Variants in RALGAPA1 observed in about 807,000 individuals in gnomAD.
RALGAPA1 encodes Ral GTPase activating protein catalytic subunit alpha 1.
Under a neutral mutation model 269.6 loss-of-function variants are expected in RALGAPA1, and 52 were observed. The ratio of observed to expected loss-of-function variants is 0.19; its 90% CI spans 0.15 to 0.24. The LOEUF (loss-of-function observed/expected upper bound fraction) is 0.24, where lower values mean the gene tolerates loss of function less well. RALGAPA1 is among the 10% of genes least tolerant of loss of function. The pLI, the probability that RALGAPA1 is intolerant of heterozygous loss-of-function variation, is 1.00. For synonymous variants in RALGAPA1, 817 were observed against 1,008.3 expected (o/e 0.81, Z 3.60); for missense variants, 1,917 against 3,013.9 (o/e 0.64, Z 8.52).
At chr14:35,542,379 A>G (rs1244952903) in intron 41 of RALGAPA1, 1 of 159,356 alleles carries the variant, frequency 6.3e-6, no homozygotes, top group Non-Finnish European at 1.4e-5. Flanking sequence ...ATTGCTCTAC[A>G]TTATGGCAAA....
chr14:35,648,100 T>C (rs10141404), intron 31 of RALGAPA1, among the ~76,000 whole-genome samples: 90,908 of 149,344 alleles, frequency 0.61, 28,881 homozygotes, highest in African/African-American at 0.83. Context: ...TACGGTGAAA[T>C]CCCATCTCTA....
chr14:35,677,360 A>G (rs1016196603), intron 22 of RALGAPA1: 1 of 153,262 alleles, frequency 6.5e-6, no homozygotes, highest in African/African-American at 2.4e-5. Context: ...ATAAATGTGC[A>G]TATTTGTCTG....
At chr14:35,779,204 G>C (rs1257109382) in intron 1 of RALGAPA1, among the ~76,000 whole-genome samples, 2 of 152,128 alleles carry the variant, frequency 1.3e-5, no homozygotes, top group Non-Finnish European at 2.9e-5. Context: ...TTCCCACAGA[G>C]TAGTTTAAAG....
At chr14:35,728,763 T>C (rs1211627409) in intron 12 of RALGAPA1, among the ~76,000 whole-genome samples, 1 of 151,992 alleles carries the variant, frequency 6.6e-6, no homozygotes, top group East Asian at 1.9e-4. Context: ...GACAGAGTCT[T>C]GTTTAGTCAC....
At chr14:35,657,900 T>C (rs2063304812) in intron 28 of RALGAPA1, among the ~76,000 whole-genome samples, 1 of 152,122 alleles carries the variant, frequency 6.6e-6, no homozygotes, top group Admixed American at 6.6e-5. Flanking sequence ...AAATTATACC[T>C]GTCTCATAGA....
chr14:35,794,371 T>C (rs1244972153), intron 1 of RALGAPA1, among the ~76,000 whole-genome samples: 1 of 152,154 alleles, frequency 6.6e-6, no homozygotes, highest in East Asian at 1.9e-4. Context: ...TACAGTTAGT[T>C]GGCTTACTTT....
chr14:35,774,189 G>T (rs540593783), intron 3 of RALGAPA1, among the ~76,000 whole-genome samples: 3 of 152,220 alleles, frequency 2.0e-5, no homozygotes, highest in African/African-American at 7.2e-5. Context: ...AAAGTGCAGG[G>T]ATTACTTTGA....
chr14:35,756,393 A>T, intron 7 of RALGAPA1: 1 of 153,004 alleles, frequency 6.5e-6, no homozygotes, highest in South Asian at 2.1e-4. Context: ...CTACAGATGC[A>T]AGAAAAACAT....
At chr14:35,805,833 C>A (rs974501710) in intron 1 of RALGAPA1, among the ~76,000 whole-genome samples, 1 of 151,702 alleles carries the variant, frequency 6.6e-6, no homozygotes, top group African/African-American at 2.4e-5. Context: ...TACAGGTGCA[C>A]GCCACCATGC....
At chr14:35,625,647 A>G (rs897492170) in intron 34 of RALGAPA1, among the ~76,000 whole-genome samples, 2 of 152,236 alleles carry the variant, frequency 1.3e-5, no homozygotes, top group African/African-American at 4.8e-5. Flanking sequence ...GATCATATCA[A>G]TTGGCCACTT....
chr14:35,606,106 T>C (rs1453948343), intron 35 of RALGAPA1, among the ~76,000 whole-genome samples: 1 of 152,142 alleles, frequency 6.6e-6, no homozygotes, highest in Non-Finnish European at 1.5e-5. Flanking sequence ...TAGAACTAAG[T>C]AGGAGTACAG....
chr14:35,689,578 C>T lies in RALGAPA1; in HGVS notation c.2833G>A (p.Glu945Lys). The T allele has an allele frequency of 2.4e-6, 3 of 1,241,770 alleles. No individual in the cohort carries two copies. The highest frequency in any genetic ancestry group is 3.0e-6 in the Non-Finnish European group (3 of 994,568). 76.9% of individuals were successfully genotyped at this position (1,241,770 alleles called of 1,614,324 possible). A position where few individuals can be genotyped will look rare whatever the true frequency, so the allele number is the denominator to read the frequency against. Residue 945 changes from glutamate (E) to lysine (K), a missense_variant, in exon 18 of 42, where the codon GAA becomes AAA. Around this residue, in one of 11 missense-constraint regions of RALGAPA1, gnomAD observed 615 missense variants for 790.0 expected, o/e 0.78. Coordinates refer to ENST00000680220, the MANE Select transcript of RALGAPA1 (RefSeq NM_001346249.2). Reference protein sequence around the residue: ...GDDDLLSTLKEYFKENQENHS... With the variant: ...GDDDLLSTLKKYFKENQENHS... ...TTTTCCTGGTTTTCCTTAAAATATT[C>T]TTTCAGGGTGGAAAGAAGATCATCA...
intron 35 of RALGAPA1, among the ~76,000 whole-genome samples, chr14:35,622,381 G>A (rs1163586215): frequency 3.3e-5 from 5 of 152,024 alleles, no homozygotes; most frequent in Non-Finnish European, 5.9e-5. Context: ...GGGGGCTGGG[G>A]TAGGGATAGA....
At chr14:35,719,906 A>G (rs919092222) in intron 16 of RALGAPA1, among the ~76,000 whole-genome samples, 1 of 151,856 alleles carries the variant, frequency 6.6e-6, no homozygotes, top group African/African-American at 2.4e-5. Flanking sequence ...ACATGCCACC[A>G]TGCCTGGCTA....
At chr14:35,601,214 A>T (rs1411561712) in intron 36 of RALGAPA1, among the ~76,000 whole-genome samples, 1 of 152,220 alleles carries the variant, frequency 6.6e-6, no homozygotes, top group Admixed American at 6.5e-5. Context: ...AAATGACTCC[A>T]GTGGACAGCA....
intron 39 of RALGAPA1, among the ~76,000 whole-genome samples, chr14:35,554,487 C>G (rs1007039900): frequency 6.7e-6 from 1 of 149,348 alleles, no homozygotes; most frequent in Non-Finnish European, 1.5e-5. Flanking sequence ...GCTGGGACTA[C>G]AGGCGCCCGC....
intron 37 of RALGAPA1, among the ~76,000 whole-genome samples, chr14:35,588,179 T>C (rs1483543659): frequency 6.6e-6 from 1 of 152,246 alleles, no homozygotes; most frequent in Non-Finnish European, 1.5e-5. Flanking sequence ...TCCGCCCGCC[T>C]CAGCCTCCCA....
chr14:35,645,039 G>C (rs1167413127), intron 31 of RALGAPA1, among the ~76,000 whole-genome samples: 1 of 152,186 alleles, frequency 6.6e-6, no homozygotes, highest in Non-Finnish European at 1.5e-5. Flanking sequence ...TTAAACAAGA[G>C]AAATTTATTC....
At chr14:35,548,683 CAT>C in intron 40 of RALGAPA1, 145 bp from the exon 41 acceptor site, 1 of 540,560 alleles carries the variant, frequency 1.8e-6, no homozygotes, top group Non-Finnish European at 3.2e-6. Flanking sequence ...ATTATTGTAA[CAT>C]AAATTACAGT....
Sources: gnomAD v4.1 joint callset for allele counts (sites outside exome capture counted in the v4.1 genomes callset) on GRCh38, gnomAD v4.1.1 for gene constraint, gnomAD v4.1.1 regional missense constraint, MANE v1.5 for transcripts, NCBI Gene and HGNC (gene_info 2026-07-23, HGNC 2026-07-21) for gene names.